Variants in TTC12 observed in about 807,000 individuals in gnomAD.
TTC12 encodes tetratricopeptide repeat protein 12.
TTC12 carries 70 observed loss-of-function variants against 90.1 expected under a neutral mutation model. The ratio of observed to expected loss-of-function variants is 0.78; its 90% CI spans 0.64 to 0.95. The LOEUF (loss-of-function observed/expected upper bound fraction) is 0.95, where lower values mean the gene tolerates loss of function less well. Ranked by LOEUF, TTC12 falls within the 40% of genes least tolerant of loss-of-function variation. TTC12 has a pLI of 0.00. For synonymous variants in TTC12, 296 were observed against 311.5 expected, an observed-to-expected ratio of 0.95 and a Z score of 0.53; for missense variants, 819 against 846.1, an observed-to-expected ratio of 0.97 and a Z score of 0.40.
downstream of TTC12, among the ~76,000 whole-genome samples, chr11:113,367,932 G>A (rs1056120688): frequency 4.6e-5 from 7 of 152,322 alleles, no homozygotes; most frequent in East Asian, 5.8e-4. Flanking sequence ...AGAACGGCTC[G>A]ATGCTAATCA....
chr11:113,350,813 G>C (rs1236874975), intron 14 of TTC12, among the ~76,000 whole-genome samples: 1 of 152,248 alleles, frequency 6.6e-6, no homozygotes, highest in East Asian at 1.9e-4. Flanking sequence ...CACGGGCCGG[G>C]GTATGGAACA....
At chr11:113,337,271 G>T (rs1259944926) in intron 8 of TTC12, among the ~76,000 whole-genome samples, 1 of 152,154 alleles carries the variant, frequency 6.6e-6, no homozygotes, top group Non-Finnish European at 1.5e-5. Context: ...AAAGTCCTTG[G>T]CTTCATGGAA....
chr11:113,318,152 A>G (rs574928207), intron 2 of TTC12, among the ~76,000 whole-genome samples: 4 of 152,220 alleles, frequency 2.6e-5, no homozygotes, highest in Admixed American at 6.5e-5. Context: ...AATACAGTCA[A>G]AGAATTATTC....
Position 113,325,551 on chromosome 11 carries a change from T to A in TTC12, c.350T>A (p.Phe117Tyr). 6.2e-7 allele frequency: 1 copy of A among 1,613,962 alleles called. No homozygotes were observed. The highest frequency in any genetic ancestry group is 1.7e-5 in the Admixed American group (1 of 60,012). The change falls in exon 6 of 22, where the codon TTT (phenylalanine) becomes TAT (tyrosine). Residue 117 changes from phenylalanine to tyrosine, a missense_variant. Coordinates refer to ENST00000529221, the MANE Select transcript of TTC12 (RefSeq NM_017868.4). ...DALKEKGNEA[F>Y]AEGNYETAIL... is the part of the protein sequence containing the mutation. The stretch of plus-strand genomic sequence containing the variant: ...CTAAAAGAAAAAGGGAATGAAGCAT[T>A]TGCTGAAGGCAATTATGAAACAGCT...
chr11:113,338,038 C>T lies in TTC12; in HGVS notation c.577-736C>T, dbSNP rs78952204. On this transcript the variant is annotated intron_variant, in intron 8 of 21. Coordinates refer to ENST00000529221, the MANE Select transcript of TTC12 (RefSeq NM_017868.4). ...TCTTAACTCTAGTCTTCTAGATGAACCTTGAACCTTCAAGATTATCTCAGA... is the reference window on the plus strand; with the variant it reads ...TCTTAACTCTAGTCTTCTAGATGAATCTTGAACCTTCAAGATTATCTCAGA... 9.9e-3 allele frequency among the ~76,000 whole-genome samples: 1,498 copies of T among 152,000 alleles called. 27 individuals are homozygous for T. The highest frequency in any genetic ancestry group is 0.034 in the African/African-American group (1,430 of 41,452).
intron 12 of TTC12, among the ~76,000 whole-genome samples, chr11:113,342,365 A>G (rs1565600774): frequency 6.6e-6 from 1 of 152,190 alleles, no homozygotes; most frequent in Non-Finnish European, 1.5e-5. Context: ...TGCCATGGGC[A>G]TTTTATTTAC....
At chr11:113,366,146 T>G in intron 21 of TTC12, 79 bp from the exon 22 acceptor site, 1 of 1,503,086 alleles carries the variant, frequency 6.7e-7, no homozygotes, top group Non-Finnish European at 9.2e-7. Context: ...AGCTTCCATC[T>G]GAGAGGGTGT....
At chr11:113,347,972 C>A (rs1347292156) in intron 13 of TTC12, among the ~76,000 whole-genome samples, 1 of 152,196 alleles carries the variant, frequency 6.6e-6, no homozygotes, top group Admixed American at 6.5e-5. Flanking sequence ...CCTCTCCTAC[C>A]TCCTGGCTAT....
Position 113,318,023 on chromosome 11 carries a change from C to A in TTC12, c.58+1708C>A, listed in dbSNP as rs1555136502. On this transcript the variant is annotated intron_variant, in intron 2 of 21. Transcript: ENST00000529221. ...GGTTCTGTGTGTTTGTGGCTGCAGCCCAGGTTTGAAATGCGGCTTGTTTCA... is the reference window on the plus strand; with the variant it reads ...GGTTCTGTGTGTTTGTGGCTGCAGCACAGGTTTGAAATGCGGCTTGTTTCA... Among the ~76,000 whole-genome samples the A allele has an allele frequency of 2.6e-5, 4 of 152,104 alleles. No homozygotes were observed. In the South Asian group the frequency reaches 8.3e-4, roughly 32 times the overall value.
intron 7 of TTC12, among the ~76,000 whole-genome samples, chr11:113,333,258 T>G (rs1477411043): frequency 1.3e-5 from 2 of 151,952 alleles, no homozygotes; most frequent in African/African-American, 2.4e-5. Flanking sequence ...AGCTGGACCG[T>G]CCCCGGAGCC....
rs782366403 is a variant in TTC12, at chr11:113,352,058, A to G, written c.1309-12A>G. 4.3e-6 allele frequency: 7 copies of G among 1,612,404 alleles called. No individual in the cohort carries two copies. Among genetic ancestry groups the G allele is most frequent in the Admixed American group, 1.7e-5 (1 of 59,582 alleles). On this transcript the variant is annotated splice_polypyrimidine_tract_variant and intron_variant, in intron 15 of 21. Coordinates refer to ENST00000529221, the MANE Select transcript of TTC12 (RefSeq NM_017868.4). ...CTCTCTGAGGCTCTGCCTTCTCTCA[A>G]TTCTCATTTAGAAGACAGATCCCAA...
intron 8 of TTC12, among the ~76,000 whole-genome samples, chr11:113,337,420 A>G (rs1948433172): frequency 6.6e-6 from 1 of 152,218 alleles, no homozygotes; most frequent in Admixed American, 6.5e-5. Context: ...CTGGTTTTAT[A>G]TAGAGGGGTA....
At position 113,323,389 on chromosome 11, in the gene TTC12, G is replaced by A. The variant is rs1947470555; in HGVS notation, c.160G>A (p.Glu54Lys). ...RLLLMEEDQE[E>K]DECRTTLNKT... ...ACTGCTTATGGAGGAAGACCAGGAG[G>A]AGGATGAATGCAGGACCACCTTGAA... Residue 54 changes from glutamate (E) to lysine (K), a missense_variant, in exon 3 of 22, where the codon GAG becomes AAG. Glu to Lys is a moderately conservative substitution (Grantham distance 56). Coordinates refer to ENST00000529221, the MANE Select transcript of TTC12 (RefSeq NM_017868.4). 10 of 1,613,414 alleles carry A rather than the reference G, an allele frequency of 6.2e-6. No homozygotes were observed. The highest frequency in any genetic ancestry group is 7.6e-6 in the Non-Finnish European group (9 of 1,179,780).
chr11:113,338,869 C>T, intron 9 of TTC12, 35 bp downstream of exon 9: 1 of 1,583,894 alleles, frequency 6.3e-7, no homozygotes, highest in East Asian at 2.2e-5. Context: ...TTCATCTGAA[C>T]TCCACCTCCC....
At chr11:113,329,862 A>G (rs902708553) in intron 6 of TTC12, 58 bp from the exon 7 acceptor site, 2 of 1,406,178 alleles carry the variant, frequency 1.4e-6, no homozygotes, top group Non-Finnish European at 1.0e-6. Flanking sequence ...TTCTGTGTGA[A>G]CTGAAAACTG....
chr11:113,323,151 G>T, intron 2 of TTC12, 137 bp from the exon 3 acceptor site: 3 of 462,134 alleles, frequency 6.5e-6, no homozygotes, highest in Non-Finnish European at 6.8e-6. Context: ...CATTGGTTCT[G>T]CTTGCTCTAT....
intron 3 of TTC12, 23 bp downstream of exon 3, chr11:113,323,474 T>TTTA: frequency 6.5e-7 from 1 of 1,536,250 alleles, no homozygotes; most frequent in Non-Finnish European, 8.7e-7. Flanking sequence ...ATTGAGAAGT[T>TTTA]ATATAAGTAC....
chr11:113,366,859 G>A (rs990283713), downstream of TTC12, among the ~76,000 whole-genome samples: 6 of 152,172 alleles, frequency 3.9e-5, no homozygotes, highest in South Asian at 6.2e-4. Flanking sequence ...AGAACTCTGC[G>A]TGAATCATTC....
chr11:113,322,101 A>G (rs1231966738), intron 2 of TTC12, among the ~76,000 whole-genome samples: 1 of 152,246 alleles, frequency 6.6e-6, no homozygotes, highest in Non-Finnish European at 1.5e-5. Flanking sequence ...GCATAGAAAC[A>G]AAAATATTAT....
Sources: allele counts gnomAD v4.1 joint callset (sites outside exome capture counted in the v4.1 genomes callset), GRCh38; gene constraint gnomAD v4.1.1; transcripts MANE v1.5; gene names NCBI Gene and HGNC (gene_info 2026-07-23, HGNC 2026-07-21).